Variants in MAD1L1 observed in about 807,000 individuals in gnomAD.
The protein encoded by MAD1L1 is mitotic arrest deficient 1 like 1, also known as mitotic spindle assembly checkpoint protein MAD1.
MAD1L1 carries 95 observed loss-of-function variants against 96.9 expected under a neutral mutation model. The ratio of observed to expected loss-of-function variants is 0.98; its 90% confidence interval spans 0.83 to 1.16. The LOEUF (loss-of-function observed/expected upper bound fraction) is 1.16, where lower values mean the gene tolerates loss of function less well. Among genes scored for constraint, MAD1L1 ranks in the 50% most tolerant of loss-of-function variants. MAD1L1 has a pLI of 0.00. For synonymous variants in MAD1L1, 473 were observed against 396.6 expected, an observed-to-expected ratio of 1.19 and a Z score of -2.29; for missense variants, 1,007 against 954.4, an observed-to-expected ratio of 1.06 and a Z score of -0.73.
chr7:2,043,871 C>T (rs1414701125), intron 12 of MAD1L1, among the ~76,000 whole-genome samples: 1 of 152,234 alleles, frequency 6.6e-6, no homozygotes, highest in Non-Finnish European at 1.5e-5. Flanking sequence ...CAGGGAGGGC[C>T]GGGCAAAGCC....
At chr7:1,855,021 C>T (rs896533295) in intron 18 of MAD1L1, among the ~76,000 whole-genome samples, 4 of 152,172 alleles carry the variant, frequency 2.6e-5, no homozygotes, top group Non-Finnish European at 5.9e-5. Flanking sequence ...GTGGGAGGCA[C>T]GTGGGCTGCG....
intron 14 of MAD1L1, among the ~76,000 whole-genome samples, chr7:2,000,483 C>T (rs1300836973): frequency 6.6e-6 from 1 of 152,224 alleles, no homozygotes; most frequent in Non-Finnish European, 1.5e-5. Context: ...CCGCGGACCC[C>T]GCTTCTGTCA....
intron 18 of MAD1L1, among the ~76,000 whole-genome samples, chr7:1,826,342 G>A (rs1398760662): frequency 6.6e-6 from 1 of 152,144 alleles, no homozygotes; most frequent in East Asian, 1.9e-4. Flanking sequence ...CCTCGGCCGA[G>A]GGCCTCCTCC....
chr7:2,210,631 C>T (rs559359204), intron 10 of MAD1L1, among the ~76,000 whole-genome samples: 2 of 152,306 alleles, frequency 1.3e-5, no homozygotes, highest in Admixed American at 6.5e-5. Context: ...GTGAGTCACC[C>T]GAGATCACGG....
At chr7:2,212,466 G>A (rs551677669) in intron 10 of MAD1L1, among the ~76,000 whole-genome samples, 12 of 152,176 alleles carry the variant, frequency 7.9e-5, no homozygotes, top group Non-Finnish European at 1.6e-4. Context: ...GGAAGTGTTT[G>A]GATCCTCGAG....
intron 18 of MAD1L1, among the ~76,000 whole-genome samples, chr7:1,833,023 C>A (rs1782785359): frequency 6.6e-6 from 1 of 152,260 alleles, no homozygotes; most frequent in East Asian, 1.9e-4. Flanking sequence ...AAAGCAAGAA[C>A]CTCCACCAGC....
chr7:2,090,078 C>T (rs920555647), intron 11 of MAD1L1, among the ~76,000 whole-genome samples: 8 of 152,178 alleles, frequency 5.3e-5, no homozygotes, highest in African/African-American at 1.9e-4. Flanking sequence ...ATGGCATGGT[C>T]GTGTTTAACT....
chr7:1,882,318 G>A (rs1235394427), intron 18 of MAD1L1, among the ~76,000 whole-genome samples: 17 of 152,232 alleles, frequency 1.1e-4, no homozygotes, highest in African/African-American at 2.4e-5. Context: ...AAGATGGGAC[G>A]TGAAGTCAGC....
At chr7:1,997,057 G>A (rs1289658200) in intron 14 of MAD1L1, among the ~76,000 whole-genome samples, 1 of 152,138 alleles carries the variant, frequency 6.6e-6, no homozygotes, top group Non-Finnish European at 1.5e-5. Context: ...CTCTCCTTGC[G>A]ATATTAATTG....
intron 16 of MAD1L1, chr7:1,940,543 G>A (rs1191889419): frequency 4.6e-5 from 7 of 152,182 alleles, no homozygotes; most frequent in African/African-American, 1.7e-4. Flanking sequence ...ACCATCCTAC[G>A]GAGCCTCGAG....
intron 18 of MAD1L1, among the ~76,000 whole-genome samples, chr7:1,841,529 G>A (rs1046198750): frequency 3.9e-5 from 6 of 152,216 alleles, no homozygotes; most frequent in African/African-American, 1.4e-4. Flanking sequence ...TGGCAGCTGT[G>A]GGCCCCAGGA....
At position 1,984,221 on chromosome 7, in the gene MAD1L1, C is replaced by G. The variant is rs117465943; in HGVS notation, c.1417-3680G>C. ...TGTTTGGGTTTTGTTTTTTAAATTC[C>G]AAGTGTTAGGAGCTTTTTTTTCCCT... On this transcript the variant is annotated intron_variant, in intron 14 of 18. Coordinates refer to ENST00000265854, the MANE Select transcript of MAD1L1 (RefSeq NM_001013836.2). 4.1e-3 allele frequency among the ~76,000 whole-genome samples: 622 copies of G among 152,184 alleles called. 9 individuals are homozygous for G. The highest frequency in any genetic ancestry group is 0.02 in the East Asian group (104 of 5,188).
At chr7:1,842,838 C>T (rs545591433) in intron 18 of MAD1L1, among the ~76,000 whole-genome samples, 9 of 152,378 alleles carry the variant, frequency 5.9e-5, no homozygotes, top group South Asian at 4.1e-4. Context: ...GTCAGCCCCT[C>T]GCCCAGCTGG....
chr7:1,840,428 G>A lies in MAD1L1; in HGVS notation c.1999-24200C>T, dbSNP rs541808309. Among the ~76,000 whole-genome samples, 15 of 152,286 alleles carry A rather than the reference G, an allele frequency of 9.8e-5. No individual in the cohort carries two copies. The East Asian group carries it at 1.5e-3, about 16-fold the overall frequency. On this transcript the variant is annotated intron_variant, in intron 18 of 18. Transcript: ENST00000265854. ...TATCTGTCCTAGCAGCAGCAGAGCC[G>A]CGTCATAAACAGTAAAACAAGCCAG... is the stretch of plus-strand genomic sequence containing the variant.
intron 11 of MAD1L1, among the ~76,000 whole-genome samples, chr7:2,131,600 C>T (rs562921630): frequency 9.8e-5 from 15 of 152,370 alleles, no homozygotes; most frequent in African/African-American, 3.6e-4. Flanking sequence ...GGCCTCCCAG[C>T]TCATCCTCAC....
chr7:1,934,918 C>T (rs1778497441), intron 17 of MAD1L1, among the ~76,000 whole-genome samples: 1 of 151,056 alleles, frequency 6.6e-6, no homozygotes, highest in African/African-American at 2.4e-5. Flanking sequence ...AACAGGGGGA[C>T]AAACAGACGG....
chr7:2,215,787 T>C, intron 9 of MAD1L1, 98 bp downstream of exon 9: 1 of 1,082,498 alleles, frequency 9.2e-7, no homozygotes, highest in Non-Finnish European at 1.4e-6. Flanking sequence ...AACCTCCATG[T>C]TGTAGGTGAG....
chr7:2,071,310 G>C (rs1167853390), intron 11 of MAD1L1, among the ~76,000 whole-genome samples: 1 of 152,240 alleles, frequency 6.6e-6, no homozygotes. Context: ...ACCCAGCCAA[G>C]CATGGCGGGA....
chr7:1,973,984 C>T lies in MAD1L1; in HGVS notation c.1505+6469G>A, dbSNP rs571968669. The stretch of plus-strand genomic sequence containing the variant: ...GAGGGGCCACGCTGATGCTGCTGGG[C>T]GGGGACAGGGCACTCTGCTGGCTTC... On this transcript the variant is annotated intron_variant, in intron 15 of 18. Coordinates refer to ENST00000265854, the MANE Select transcript of MAD1L1 (RefSeq NM_001013836.2). 3.9e-5 allele frequency among the ~76,000 whole-genome samples: 6 copies of T among 152,332 alleles called. No individual in the cohort carries two copies. The East Asian group carries it at 9.6e-4, about 24-fold the overall frequency.
Sources: allele counts gnomAD v4.1 joint callset (sites outside exome capture counted in the v4.1 genomes callset), GRCh38; gene constraint gnomAD v4.1.1; transcripts MANE v1.5; gene names NCBI Gene and HGNC (gene_info 2026-07-23, HGNC 2026-07-21).